Variants in RNF213 observed in about 807,000 individuals in gnomAD.
RNF213 encodes E3 ubiquitin-protein ligase RNF213.
RNF213 carries 341 observed loss-of-function variants against 514.4 expected under a neutral mutation model. The observed-to-expected ratio is 0.66, with a 90% CI of 0.61 to 0.73. The LOEUF (loss-of-function observed/expected upper bound fraction) is 0.73, where lower values mean the gene tolerates loss of function less well. Among genes scored for constraint, RNF213 ranks in the 30% least tolerant of loss-of-function variants. The probability of loss-of-function intolerance (pLI) is 0.00; values close to 1 mark genes in which losing one functional copy is unlikely to be tolerated. For synonymous variants in RNF213, 2,655 were observed against 2,658.2 expected, an observed-to-expected ratio of 1.00 and a Z score of 0.04; for missense variants, 5,767 against 6,615.6, an observed-to-expected ratio of 0.87 and a Z score of 4.45.
chr17:80,326,048 T>C (rs1470398888), intron 18 of RNF213, among the ~76,000 whole-genome samples: 2 of 152,070 alleles, frequency 1.3e-5, no homozygotes, highest in East Asian at 3.9e-4. Flanking sequence ...AACCTCTGCC[T>C]CCCGGGTTCA....
chr17:80,327,832 A>G lies in RNF213; in HGVS notation c.3210A>G (p.Ile1070Met). Reference protein sequence around the residue: ...VFRLCGTDEKILANVTEDAKR... With the variant: ...VFRLCGTDEKMLANVTEDAKR... ...TCTATTCAGGAACCGACGAGAAAAT[A>G]CTAGCAAATGTCACAGAGGATGCCA... is the stretch of plus-strand genomic sequence containing the variant. The change falls in exon 19 of 68, where the codon ATA (isoleucine) becomes ATG (methionine). Residue 1070 changes from isoleucine to methionine, a missense_variant. Around this residue, in one of 13 missense-constraint regions of RNF213, gnomAD observed 516 missense variants for 566.5 expected, o/e 0.91. Coordinates refer to ENST00000582970, the MANE Select transcript of RNF213 (RefSeq NM_001256071.3). 1 of 1,536,462 alleles carries G rather than the reference A, an allele frequency of 6.5e-7. No individual in the cohort carries two copies. The highest frequency in any genetic ancestry group is 8.7e-7 in the Non-Finnish European group (1 of 1,146,228).
chr17:80,284,125 C>T (rs570688658), intron 3 of RNF213, among the ~76,000 whole-genome samples: 156 of 151,350 alleles, frequency 1.0e-3, no homozygotes, highest in Middle Eastern at 3.4e-3. Flanking sequence ...TTTGGGAGGC[C>T]GAGGCGGGTG....
At chr17:80,381,321 G>A in intron 56 of RNF213, 1 of 616,570 alleles carries the variant, frequency 1.6e-6, no homozygotes, top group Non-Finnish European at 2.9e-6. Flanking sequence ...AACCAAGATG[G>A]CCAACAGTAC....
In RNF213 at chr17:80,353,146, A is replaced by G; in HGVS notation, c.10423+87A>G. 1 of 1,558,488 alleles carries G rather than the reference A, an allele frequency of 6.4e-7. No individual in the cohort carries two copies. The highest frequency in any genetic ancestry group is 8.8e-7 in the Non-Finnish European group (1 of 1,142,466). Reference sequence around the variant, plus strand: ...AGCGTGGCGTGCACATGGCACTAGGAGCAGGGCCACCGTGTTTCGTCCCTC... The same window carrying G: ...AGCGTGGCGTGCACATGGCACTAGGGGCAGGGCCACCGTGTTTCGTCCCTC... On this transcript the variant is annotated intron_variant, in intron 33 of 67. Coordinates refer to ENST00000582970, the MANE Select transcript of RNF213 (RefSeq NM_001256071.3). This position sits in a 1 kb window ranked among gnomAD's most constrained non-coding sequence, Gnocchi z 5.0.
chr17:80,298,583 G>A (rs962302163), intron 11 of RNF213, 65 bp downstream of exon 11: 30 of 1,576,356 alleles, frequency 1.9e-5, no homozygotes, highest in Admixed American at 1.4e-4. Context: ...TTGTGCACCC[G>A]GAGTCCCGGT....
Position 80,377,699 on chromosome 17 carries a change from CT to C in RNF213, c.13511-59del. ...CCAGAGAGTAGAGAGTTAGCTTTCCCTTTTCAATGTGGGTCATTGGGTGAAA... is the reference window on the plus strand; with the variant it reads ...CCAGAGAGTAGAGAGTTAGCTTTCCCTTTCAATGTGGGTCATTGGGTGAAA... On this transcript the variant is annotated intron_variant, in intron 53 of 67. Coordinates refer to ENST00000582970, the MANE Select transcript of RNF213 (RefSeq NM_001256071.3). The surrounding 1 kb of genome is among the most constrained non-coding windows in gnomAD (Gnocchi z 4.1). The C allele has an allele frequency of 6.3e-7, 1 of 1,586,876 alleles. No individual in the cohort carries two copies. Among genetic ancestry groups the C allele is most frequent in the South Asian group, 1.1e-5 (1 of 90,530 alleles).
intron 54 of RNF213, 165 bp from the exon 55 acceptor site, chr17:80,379,454 AC>A: frequency 1.4e-6 from 1 of 710,742 alleles, no homozygotes; most frequent in Non-Finnish European, 2.6e-6. Flanking sequence ...GTGAGTACCT[AC>A]CCTGTTCCCA....
chr17:80,305,573 C>T (rs1020788454), intron 11 of RNF213, among the ~76,000 whole-genome samples: 4 of 151,706 alleles, frequency 2.6e-5, no homozygotes, highest in South Asian at 2.1e-4. Flanking sequence ...ATTCTTATTC[C>T]GTATTCTGAA....
chr17:80,376,353 C>T lies in RNF213; in HGVS notation c.13238C>T (p.Pro4413Leu). The T allele has an allele frequency of 6.2e-7, 1 of 1,614,226 alleles. No individual in the cohort carries two copies. The highest frequency in any genetic ancestry group is 8.5e-7 in the Non-Finnish European group (1 of 1,180,020). Residue 4413 changes from proline (P) to leucine (L), a missense_variant, in exon 52 of 68, where the codon CCT becomes CTT. Physicochemically the swap from Pro to Leu is moderately conservative, Grantham distance 98. Coordinates refer to ENST00000582970, the MANE Select transcript of RNF213 (RefSeq NM_001256071.3). ...FIGECKILSP[P>L]DISRFATSLV... ...GGCGAATGCAAGATCCTTTCACCTC[C>T]TGATATCAGCCGTTTTGCAACATCG... is the stretch of plus-strand genomic sequence containing the variant.
In RNF213 at chr17:80,344,985, A is replaced by T; in HGVS notation, c.6650A>T (p.Asn2217Ile). The change falls in exon 29 of 68, where the codon AAC becomes ATC. Residue 2217 changes from asparagine (N) to isoleucine (I), a missense_variant. Asn to Ile is a moderately radical substitution (Grantham distance 149). Around this residue, in one of 13 missense-constraint regions of RNF213, gnomAD observed 1,377 missense variants for 1,635.2 expected, o/e 0.84. Transcript: ENST00000582970. ...AACCCATCCTGGTCAGAGCTTCGGA[A>T]CTTTGCTCGGTTCCTGAATTATCAG... is the stretch of plus-strand genomic sequence containing the variant. Reference protein sequence around the residue: ...VINPSWSELRNFARFLNYQLR... With the variant: ...VINPSWSELRIFARFLNYQLR... 1.2e-6 allele frequency: 2 copies of T among 1,614,100 alleles called. No homozygotes were observed. Among genetic ancestry groups the T allele is most frequent in the Non-Finnish European group, 1.7e-6 (2 of 1,180,000 alleles).
chr17:80,350,802 C>G (rs548320830), intron 31 of RNF213, among the ~76,000 whole-genome samples: 6 of 152,268 alleles, frequency 3.9e-5, no homozygotes, highest in Admixed American at 3.9e-4. Flanking sequence ...CTGTCCTCCC[C>G]ACAAAAAAGG....
At position 80,354,183 on chromosome 17, in the gene RNF213, C is replaced by A; in HGVS notation, c.10726+17C>A. On this transcript the variant is annotated intron_variant, in intron 35 of 67. Transcript: ENST00000582970. ...CGTGCCACGGTATGAGCCTCCCCAC[C>A]CCTCTTGCCCCTGCCCCCACGTGGG... is the stretch of plus-strand genomic sequence containing the variant. 9 of 1,611,978 alleles carry A rather than the reference C, an allele frequency of 5.6e-6. No homozygotes were observed. The highest frequency in any genetic ancestry group is 7.6e-6 in the Non-Finnish European group (9 of 1,179,736).
At chr17:80,289,393 C>T (rs926772849) in intron 5 of RNF213, among the ~76,000 whole-genome samples, 6 of 152,144 alleles carry the variant, frequency 3.9e-5, no homozygotes, top group African/African-American at 1.4e-4. Flanking sequence ...AGTTCAAGAC[C>T]AGCCTGGCCA....
Position 80,288,856 on chromosome 17 carries a change from A to C in RNF213, c.933+101A>C. ...CAGCAAATATTTAAGTGCTGGGGAT[A>C]TAGCCATGATTCAGACAAAGCTCTG... On this transcript the variant is annotated intron_variant, in intron 5 of 67. Transcript: ENST00000582970. This position sits in a 1 kb window ranked among gnomAD's most constrained non-coding sequence, Gnocchi z 4.9. The C allele has an allele frequency of 6.3e-7, 1 of 1,585,478 alleles. No homozygotes were observed. Among genetic ancestry groups the C allele is most frequent in the Non-Finnish European group, 8.6e-7 (1 of 1,160,398 alleles).
intron 11 of RNF213, among the ~76,000 whole-genome samples, chr17:80,305,038 G>GTATT (rs539011828): frequency 2.6e-5 from 4 of 152,084 alleles, no homozygotes; most frequent in Non-Finnish European, 4.4e-5. Context: ...TTCTTTTTGT[G>GTATT]TATTTATTTA....
chr17:80,313,627 A>G (rs1426990656), intron 15 of RNF213, among the ~76,000 whole-genome samples: 1 of 129,118 alleles, frequency 7.7e-6, no homozygotes, highest in Non-Finnish European at 1.6e-5. Context: ...ATTGTGGTGG[A>G]GGTGATGGTG....
chr17:80,328,537 G>A lies in RNF213; in HGVS notation c.3517+60G>A. 13 of 1,501,286 alleles carry A rather than the reference G, an allele frequency of 8.7e-6. No homozygotes were observed. In the South Asian group the frequency reaches 1.6e-4, roughly 19 times the overall value. The allele number at this position is 1,501,286 out of a possible 1,614,324, so 93.0% of individuals were successfully genotyped here. A position where few individuals can be genotyped will look rare whatever the true frequency, so the allele number is the denominator to read the frequency against. ...TCTCAAAGGGTTAGAGGAGAACACA[G>A]TAAGAATGGATCACAGTAGCAGATC... On this transcript the variant is annotated intron_variant, in intron 20 of 67. Coordinates refer to ENST00000582970, the MANE Select transcript of RNF213 (RefSeq NM_001256071.3).
intron 38 of RNF213, 41 bp from the exon 39 acceptor site, chr17:80,361,693 T>C: frequency 6.2e-7 from 1 of 1,608,904 alleles, no homozygotes. Context: ...GCGCCATGAC[T>C]TAGACGCACT....
At chr17:80,359,597 A>T (rs1193921435) in intron 37 of RNF213, among the ~76,000 whole-genome samples, 1 of 125,392 alleles carries the variant, frequency 8.0e-6, no homozygotes, top group Admixed American at 7.4e-5. Flanking sequence ...AGAAAGAAAG[A>T]GCGAGAGAAA....
Sources: allele counts gnomAD v4.1 joint callset (sites outside exome capture counted in the v4.1 genomes callset), GRCh38; gene constraint gnomAD v4.1.1; regional missense constraint gnomAD v4.1.1; non-coding constraint Gnocchi (gnomAD v3.1); transcripts MANE v1.5; gene names NCBI Gene and HGNC (gene_info 2026-07-23, HGNC 2026-07-21).